ITGB2: variants seen among roughly 807,000 people sequenced by gnomAD.
ITGB2 encodes the protein integrin beta-2.
Under a neutral mutation model 86.8 loss-of-function variants are expected in ITGB2, and 56 were observed. That is an observed-to-expected ratio of 0.65 (90% CI 0.52 to 0.81). The LOEUF is 0.81. ITGB2 is among the 30% of genes least tolerant of loss of function. The probability of loss-of-function intolerance (pLI) is 0.00; values close to 1 mark genes in which losing one functional copy is unlikely to be tolerated. For synonymous variants in ITGB2, 457 were observed against 450.4 expected (o/e 1.01, Z -0.19); for missense variants, 948 against 1,061.2 (o/e 0.89, Z 1.48).
chr21:44,888,285 C>A (rs2083727731), intron 14 of ITGB2, among the ~76,000 whole-genome samples: 1 of 152,212 alleles, frequency 6.6e-6, no homozygotes, highest in Non-Finnish European at 1.5e-5. Flanking sequence ...CAGGATCTCC[C>A]AATCCCCTCA....
chr21:44,904,669 C>T (rs1306937270), intron 4 of ITGB2, among the ~76,000 whole-genome samples: 3 of 151,902 alleles, frequency 2.0e-5, no homozygotes, highest in African/African-American at 4.8e-5. Context: ...AACACACACA[C>T]ATGCACTCAC....
chr21:44,906,908 A>G lies in ITGB2; in HGVS notation c.328+7T>C, dbSNP rs749320090. The G allele has an allele frequency of 2.5e-6, 4 of 1,614,156 alleles. No homozygotes were observed. The highest frequency in any genetic ancestry group is 3.4e-6 in the Non-Finnish European group (4 of 1,179,972). ...GTGCCTGGCACCACCACCGAGGCCA[A>G]GCCTACCTGGTCGCAGGTAAAGCGT... On this transcript the variant is annotated splice_region_variant and intron_variant, in intron 4 of 15. Transcript: ENST00000652462.
chr21:44,909,102 C>A (rs754824098), intron 3 of ITGB2, among the ~76,000 whole-genome samples: 1 of 152,172 alleles, frequency 6.6e-6, no homozygotes, highest in Non-Finnish European at 1.5e-5. Flanking sequence ...CGGCTTCAGG[C>A]GGGGACCTCC....
intron 3 of ITGB2, among the ~76,000 whole-genome samples, chr21:44,909,129 C>A (rs1334067205): frequency 6.6e-6 from 1 of 152,166 alleles, no homozygotes; most frequent in African/African-American, 2.4e-5. Context: ...GCTGAGCCTG[C>A]GGGTGCGATT....
intron 14 of ITGB2, 94 bp from the exon 15 acceptor site, chr21:44,886,996 TAGAG>T (rs1420353589): frequency 1.3e-6 from 2 of 1,493,064 alleles, no homozygotes; most frequent in Non-Finnish European, 1.8e-6. Context: ...ACACAGCACT[TAGAG>T]AGACGGAGGT....
intron 10 of ITGB2, 151 bp from the exon 11 acceptor site, chr21:44,892,147 G>T: frequency 1.2e-6 from 1 of 800,060 alleles, no homozygotes; most frequent in South Asian, 1.5e-5. Context: ...CTGATGCTCA[G>T]ATCCGAGAGC....
intron 13 of ITGB2, 118 bp downstream of exon 13, chr21:44,889,158 C>A: frequency 9.8e-7 from 1 of 1,015,558 alleles, no homozygotes; most frequent in South Asian, 1.4e-5. Context: ...CAGACGCACC[C>A]GCAGAGAACC....
chr21:44,911,265 T>TACACATGCACACGTACAC (rs2084127698), intron 1 of ITGB2: 1 of 245,112 alleles, frequency 4.1e-6, no homozygotes, highest in Admixed American at 5.0e-5. Context: ...CACACAAATA[T>TACACATGCACACGTACAC]ACACATGCAC....
upstream of ITGB2, among the ~76,000 whole-genome samples, chr21:44,923,663 G>C (rs1396825814): frequency 1.3e-5 from 2 of 152,202 alleles, no homozygotes; most frequent in African/African-American, 4.8e-5. Context: ...CGGGTATAAA[G>C]TTCCCGTTTT....
In ITGB2 at chr21:44,889,444, C is replaced by T. The variant is rs2083752823; in HGVS notation, c.1709G>A (p.Gly570Asp). 1 of 1,603,860 alleles carries T rather than the reference C, an allele frequency of 6.2e-7. No individual in the cohort carries two copies. Among genetic ancestry groups the T allele is most frequent in the Non-Finnish European group, 8.5e-7 (1 of 1,175,740 alleles). Residue 570 changes from glycine to aspartate, a missense_variant, in exon 13 of 16, where the codon GGC becomes GAC. By Grantham distance (94) the Gly-to-Asp change is moderately conservative (BLOSUM62 -1). Coordinates refer to ENST00000652462, the MANE Select transcript of ITGB2 (RefSeq NM_000211.5). ...GGTCCTCTCGCACTGGCACGCTGAG[C>T]CCTCAAAGCCCGGGTGGCAGCGGCA... is the stretch of plus-strand genomic sequence containing the variant. ...GKCRCHPGFE[G>D]SACQCERTTE...
At chr21:44,899,688 T>G (rs1011553199) in intron 7 of ITGB2, among the ~76,000 whole-genome samples, 27 of 152,036 alleles carry the variant, frequency 1.8e-4, no homozygotes, top group Admixed American at 1.4e-3. Context: ...TTGTGACCAG[T>G]GGTTGCCTCT....
chr21:44,915,917 T>TTTTG (rs565750991), intron 1 of ITGB2, among the ~76,000 whole-genome samples: 6 of 151,998 alleles, frequency 3.9e-5, no homozygotes, highest in East Asian at 1.9e-4. Context: ...GATAGCACAG[T>TTTTG]TTTGTTTGTT....
chr21:44,889,827 T>C (rs1481388830), intron 12 of ITGB2, 151 bp downstream of exon 12: 17 of 1,192,898 alleles, frequency 1.4e-5, no homozygotes, highest in Non-Finnish European at 2.0e-5. Context: ...TCCAAGTTCC[T>C]GCTGACGCCC....
chr21:44,889,394 G>T lies in ITGB2; in HGVS notation c.1759C>A (p.Arg587Ser), dbSNP rs202025124. ...RTTEGCLNPR[R>S]VECSGRGRCR... is the part of the protein sequence containing the mutation. ...CGGCCACGACCACTACACTCAACAC[G>T]CCGCGGGTTCAGGCAGCCCTCAGTG... The change falls in exon 13 of 16, where the codon CGT (arginine) becomes AGT (serine). Residue 587 changes from arginine (R) to serine (S), a missense_variant. Arg to Ser is a moderately radical substitution (Grantham distance 110). Coordinates refer to ENST00000652462, the MANE Select transcript of ITGB2 (RefSeq NM_000211.5). 6.2e-7 allele frequency: 1 copy of T among 1,612,764 alleles called. No individual in the cohort carries two copies. Among genetic ancestry groups the T allele is most frequent in the East Asian group, 2.2e-5 (1 of 44,860 alleles).
At chr21:44,899,461 C>A (rs2083916088) in intron 7 of ITGB2, among the ~76,000 whole-genome samples, 1 of 152,228 alleles carries the variant, frequency 6.6e-6, no homozygotes, top group African/African-American at 2.4e-5. Context: ...ACACGGTGGA[C>A]CTGCTTTCGC....
At chr21:44,893,749 A>G (rs892927234) in intron 9 of ITGB2, 2 of 629,946 alleles carry the variant, frequency 3.2e-6, no homozygotes, top group Non-Finnish European at 2.9e-6. Flanking sequence ...CAGCCTGACC[A>G]CAGGGACTAG....
intron 4 of ITGB2, among the ~76,000 whole-genome samples, chr21:44,905,655 G>A (rs1192657363): frequency 6.6e-6 from 1 of 152,190 alleles, no homozygotes; most frequent in East Asian, 1.9e-4. Context: ...GTTCCAGCAC[G>A]AAGGGGCTTG....
chr21:44,892,265 CAGG>C (rs902479719), intron 10 of ITGB2, among the ~76,000 whole-genome samples: 1 of 152,242 alleles, frequency 6.6e-6, no homozygotes, highest in Admixed American at 6.5e-5. Context: ...GACAGCAAAT[CAGG>C]AGAAGCTGAG....
In ITGB2 at chr21:44,910,812, G is replaced by A. The variant is rs549496897; in HGVS notation, c.-3-27C>T. 77 of 1,608,032 alleles carry A rather than the reference G, an allele frequency of 4.8e-5. 1 individual carries two copies. Among genetic ancestry groups the A allele is most frequent in the African/African-American group, 3.2e-4 (24 of 75,014 alleles). On this transcript the variant is annotated intron_variant, in intron 1 of 15. Transcript: ENST00000652462. ...TGTGGAGGGAAGGGGTCTTGGTGAC[G>A]GTCTCAGGCCCAACCCCTGGGGCTG...
Sources: gnomAD v4.1 joint callset for allele counts (sites outside exome capture counted in the v4.1 genomes callset) on GRCh38, gnomAD v4.1.1 for gene constraint, MANE v1.5 for transcripts, NCBI Gene and HGNC (gene_info 2026-07-23, HGNC 2026-07-21) for gene names.